Variants in CCT4 observed in about 807,000 individuals in gnomAD.
CCT4 encodes chaperonin containing TCP1 subunit 4.
In CCT4, 17 loss-of-function variants were observed where a neutral mutation model predicts 62.5. The observed-to-expected ratio is 0.27, with a 90% CI of 0.19 to 0.41. The LOEUF is 0.41. CCT4 is among the 10% of genes least tolerant of loss of function. The pLI, the probability that CCT4 is intolerant of heterozygous loss-of-function variation, is 1.00. For synonymous variants in CCT4, 250 were observed against 229.9 expected (o/e 1.09, Z -0.79); for missense variants, 592 against 659.2 (o/e 0.90, Z 1.12).
chr2:61,882,835 C>T (rs1303888072), intron 3 of CCT4, among the ~76,000 whole-genome samples: 1 of 150,276 alleles, frequency 6.7e-6, no homozygotes, highest in Non-Finnish European at 1.5e-5. Context: ...TGGGGTTTCA[C>T]TCTGTCACTC....
In CCT4 at chr2:61,877,477, C is replaced by T; in HGVS notation, c.560G>A (p.Ser187Asn). Reference sequence around the variant, plus strand: ...AATCACTTTCATCACTGCATTTACACTCATTGGAGAAAGCAGACTTGAATA... The same window carrying T: ...AATCACTTTCATCACTGCATTTACATTCATTGGAGAAAGCAGACTTGAATA... The part of the protein sequence containing the change: ...SQYSSLLSPM[S>N]VNAVMKVIDP... The change falls in exon 6 of 14, where the codon AGT becomes AAT. Residue 187 changes from serine (S) to asparagine (N), a missense_variant. Around this residue, in one of 3 missense-constraint regions of CCT4, gnomAD observed 522 missense variants for 571.2 expected, o/e 0.91. Transcript: ENST00000394440. 1.9e-6 allele frequency: 3 copies of T among 1,607,096 alleles called. No homozygotes were observed. Among genetic ancestry groups the T allele is most frequent in the Non-Finnish European group, 2.6e-6 (3 of 1,176,062 alleles).
chr2:61,887,673 GCA>G (rs763154848), intron 1 of CCT4, among the ~76,000 whole-genome samples: 3 of 151,978 alleles, frequency 2.0e-5, no homozygotes, highest in Non-Finnish European at 4.4e-5. Flanking sequence ...TGAATCTTTG[GCA>G]CAGAGGTTAC....
chr2:61,877,268 C>T, intron 6 of CCT4, 125 bp downstream of exon 6: 2 of 1,072,844 alleles, frequency 1.9e-6, no homozygotes, highest in Non-Finnish European at 1.3e-6. Flanking sequence ...TACAAATTCT[C>T]ACGAAAACAA....
At chr2:61,882,348 G>A (rs769613190) in intron 3 of CCT4, among the ~76,000 whole-genome samples, 3 of 151,980 alleles carry the variant, frequency 2.0e-5, no homozygotes, top group East Asian at 3.8e-4. Context: ...ACTAGTATAA[G>A]GTAAAAGAAG....
Position 61,877,056 on chromosome 2 carries a change from A to C in CCT4, c.645-4T>G, listed in dbSNP as rs777094361. On this transcript the variant is annotated splice_polypyrimidine_tract_variant and splice_region_variant and intron_variant, in intron 6 of 13. Coordinates refer to ENST00000394440, the MANE Select transcript of CCT4 (RefSeq NM_006430.4). ...CTCACAGTCATCAATTGTCCCACTA[A>C]GGATAAAAGAAAACAAAGAGGGGTA... The C allele has an allele frequency of 9.9e-6, 16 of 1,611,738 alleles. No individual in the cohort carries two copies. The African/African-American group carries it at 1.9e-4, about 19-fold the overall frequency.
chr2:61,868,908 AG>A (rs986862198), intron 13 of CCT4: 47 of 508,716 alleles, frequency 9.2e-5, no homozygotes, highest in African/African-American at 8.6e-4. Flanking sequence ...AGGCTGAGGC[AG>A]GTGGATCACA....
chr2:61,878,779 A>G, intron 5 of CCT4, 90 bp downstream of exon 5: 1 of 826,450 alleles, frequency 1.2e-6, no homozygotes, highest in Non-Finnish European at 1.9e-6. Context: ...CACTCTTGAG[A>G]TTTAGTATTT....
intron 8 of CCT4, among the ~76,000 whole-genome samples, chr2:61,873,794 G>C (rs1263239711): frequency 6.6e-6 from 1 of 152,138 alleles, no homozygotes; most frequent in Admixed American, 6.6e-5. Flanking sequence ...TCGAACTCCT[G>C]ACTTCAGGTG....
chr2:61,870,755 C>T (rs2105124573), intron 12 of CCT4, among the ~76,000 whole-genome samples: 1 of 152,146 alleles, frequency 6.6e-6, no homozygotes, highest in Non-Finnish European at 1.5e-5. Context: ...ACCATATCTA[C>T]TAAAAAATAC....
chr2:61,879,118 T>A, intron 4 of CCT4, 107 bp from the exon 5 acceptor site: 1 of 744,488 alleles, frequency 1.3e-6, no homozygotes, highest in South Asian at 1.9e-5. Flanking sequence ...AATTTAACTA[T>A]TCTTAATTAC....
chr2:61,888,602 T>G lies in CCT4; in HGVS notation c.-95A>C, dbSNP rs1182996091. 2 of 1,398,152 alleles carry G rather than the reference T, an allele frequency of 1.4e-6. No homozygotes were observed. The highest frequency in any genetic ancestry group is 1.9e-6 in the Non-Finnish European group (2 of 1,050,196). 86.6% of individuals were successfully genotyped at this position (1,398,152 alleles called of 1,614,324 possible). A position where few individuals can be genotyped will look rare whatever the true frequency, so the allele number is the denominator to read the frequency against. On this transcript the variant is annotated 5_prime_UTR_variant, in exon 1 of 14. Coordinates refer to ENST00000394440, the MANE Select transcript of CCT4 (RefSeq NM_006430.4). The stretch of plus-strand genomic sequence containing the variant: ...TAATAACGGTAAGCCCTCACTGCCT[T>G]CACGAACCTTCCAGAAAGCGGCGCC...
At chr2:61,874,080 C>T (rs1023556491) in intron 8 of CCT4, among the ~76,000 whole-genome samples, 2 of 152,116 alleles carry the variant, frequency 1.3e-5, no homozygotes, top group African/African-American at 2.4e-5. Context: ...TTAATTCAGA[C>T]TCCACAAATT....
intron 2 of CCT4, among the ~76,000 whole-genome samples, chr2:61,883,773 G>GACACACAC (rs59031193): frequency 6.9e-4 from 99 of 143,940 alleles, no homozygotes; most frequent in South Asian, 1.6e-3. Flanking sequence ...AAGAAATGTA[G>GACACACAC]ACACACACAC....
intron 2 of CCT4, among the ~76,000 whole-genome samples, chr2:61,884,776 G>A (rs1302198704): frequency 6.6e-6 from 1 of 150,474 alleles, no homozygotes; most frequent in Non-Finnish European, 1.5e-5. Context: ...TTACAGGCAT[G>A]AGCCACCATG....
At chr2:61,872,687 G>A in intron 10 of CCT4, 99 bp from the exon 11 acceptor site, 2 of 1,216,494 alleles carry the variant, frequency 1.6e-6, no homozygotes, top group South Asian at 2.8e-5. Flanking sequence ...CAACACTTTG[G>A]GAGGATGAGG....
intron 1 of CCT4, among the ~76,000 whole-genome samples, chr2:61,886,508 G>C (rs1399730168): frequency 6.6e-6 from 1 of 152,138 alleles, no homozygotes; most frequent in Non-Finnish European, 1.5e-5. Context: ...AACATCTCTG[G>C]GGCCGGGTGC....
rs200806434 is a variant in CCT4, at chr2:61,876,999, A to G, written c.698T>C (p.Val233Ala). Residue 233 changes from valine (V) to alanine (A), a missense_variant, in exon 7 of 14, where the codon GTG becomes GCG. By Grantham distance (64) the Val-to-Ala change is moderately conservative. Around this residue, in one of 3 missense-constraint regions of CCT4, gnomAD observed 522 missense variants for 571.2 expected, o/e 0.91. Transcript: ENST00000394440. ...LVEGLVLTQK[V>A]SNSGITRVEK... ...AACTCTGGTTATGCCAGAATTTGACACTTTTTGGGTGAGAACCAGCCCTTC... is the reference window on the plus strand; with the variant it reads ...AACTCTGGTTATGCCAGAATTTGACGCTTTTTGGGTGAGAACCAGCCCTTC... The G allele has an allele frequency of 2.8e-4, 449 of 1,613,784 alleles. 4 individuals carry two copies. Among genetic ancestry groups the G allele is most frequent in the South Asian group, 2.5e-3 (225 of 91,080 alleles).
intron 8 of CCT4, among the ~76,000 whole-genome samples, chr2:61,874,777 A>T: frequency 6.6e-6 from 1 of 152,202 alleles, no homozygotes. Context: ...TTAATTCTGC[A>T]ACATGGCTTT....
chr2:61,869,252 C>G (rs1323958841), intron 13 of CCT4, among the ~76,000 whole-genome samples, 188 bp downstream of exon 13: 3 of 151,712 alleles, frequency 2.0e-5, no homozygotes, highest in African/African-American at 7.3e-5. Flanking sequence ...AGGAGAATCA[C>G]TTGAACCCCA....
Sources: allele counts gnomAD v4.1 joint callset (sites outside exome capture counted in the v4.1 genomes callset), GRCh38; gene constraint gnomAD v4.1.1; regional missense constraint gnomAD v4.1.1; transcripts MANE v1.5; gene names NCBI Gene and HGNC (gene_info 2026-07-23, HGNC 2026-07-21).